BICD1: variants seen among roughly 807,000 people sequenced by gnomAD.
BICD1 encodes the protein BICD cargo adaptor 1, also known as protein bicaudal D homolog 1.
Under a neutral mutation model 92.5 loss-of-function variants are expected in BICD1, and 35 were observed. That is an observed-to-expected ratio of 0.38 (90% CI 0.29 to 0.50). The LOEUF is 0.50. Ranked by LOEUF, BICD1 falls within the 20% of genes least tolerant of loss-of-function variation. BICD1 has a pLI of 0.93. For missense variants in BICD1, 950 were observed against 1,189.8 expected, an observed-to-expected ratio of 0.80 and a Z score of 2.97; for synonymous variants, 429 against 465.1, an observed-to-expected ratio of 0.92 and a Z score of 1.00.
intron 5 of BICD1, chr12:32,333,146 A>G: frequency 1.0e-6 from 1 of 984,652 alleles, no homozygotes; most frequent in Non-Finnish European, 1.2e-6. Context: ...AATTTGTTAC[A>G]TCTACATTTC....
intron 1 of BICD1, among the ~76,000 whole-genome samples, chr12:32,172,452 G>C (rs955708232): frequency 6.6e-6 from 1 of 152,220 alleles, no homozygotes; most frequent in African/African-American, 2.4e-5. Context: ...GCCCTCCAGA[G>C]AAAAGGTAGT....
intron 1 of BICD1, among the ~76,000 whole-genome samples, chr12:32,133,214 G>A (rs895391859): frequency 3.9e-5 from 6 of 151,976 alleles, no homozygotes; most frequent in African/African-American, 9.7e-5. Flanking sequence ...CTGGCCAGGC[G>A]GGGTGGCTCA....
At chr12:32,286,863 A>C (rs1472891114) in intron 2 of BICD1, among the ~76,000 whole-genome samples, 2 of 152,218 alleles carry the variant, frequency 1.3e-5, no homozygotes, top group Non-Finnish European at 2.9e-5. Context: ...TGCAAAAGGA[A>C]ATGTAATAAA....
chr12:32,119,804 G>T (rs1942077625), intron 1 of BICD1, among the ~76,000 whole-genome samples: 1 of 152,222 alleles, frequency 6.6e-6, no homozygotes, highest in South Asian at 2.1e-4. Flanking sequence ...CCAGGAGGTG[G>T]AGGTTGCAGT....
At chr12:32,321,948 G>A (rs1252126771) in intron 4 of BICD1, among the ~76,000 whole-genome samples, 4 of 151,386 alleles carry the variant, frequency 2.6e-5, no homozygotes, top group East Asian at 1.9e-4. Context: ...GCAGTGAGCC[G>A]AGATCACACC....
At chr12:32,155,399 G>C (rs1144712) in intron 1 of BICD1, among the ~76,000 whole-genome samples, 151,952 of 152,364 alleles carry the variant, frequency 1, 75,774 homozygotes, top group Middle Eastern at 1. Flanking sequence ...GATTCAAATT[G>C]AACCTTTAAT....
At chr12:32,126,485 G>T (rs1328539226) in intron 1 of BICD1, among the ~76,000 whole-genome samples, 2 of 152,006 alleles carry the variant, frequency 1.3e-5, no homozygotes, top group Non-Finnish European at 2.9e-5. Flanking sequence ...GGCCGGGTAT[G>T]GTGGCTCACA....
At chr12:32,118,629 G>A (rs1942035977) in intron 1 of BICD1, among the ~76,000 whole-genome samples, 1 of 152,158 alleles carries the variant, frequency 6.6e-6, no homozygotes, top group Non-Finnish European at 1.5e-5. Context: ...ACTGGAGGAT[G>A]TGTGTAGGTT....
intron 1 of BICD1, among the ~76,000 whole-genome samples, chr12:32,192,480 A>AGAC: frequency 6.8e-6 from 1 of 147,974 alleles, no homozygotes; most frequent in East Asian, 1.9e-4. Flanking sequence ...ATAGATAGAC[A>AGAC]AATAAAGCAA....
chr12:32,108,552 G>A, intron 1 of BICD1: 5 of 611,158 alleles, frequency 8.2e-6, no homozygotes, highest in Admixed American at 2.5e-5. Context: ...TGTGTGTCAA[G>A]TCCTTATTTT....
intron 1 of BICD1, among the ~76,000 whole-genome samples, chr12:32,171,940 TACACACACACACACACACACACACAC>T (rs61038844): frequency 1.4e-5 from 2 of 140,992 alleles, no homozygotes; most frequent in South Asian, 2.4e-4. Context: ...TCTCAAAAAA[TACACACACACACACACACACACACAC>T]ACACACACAC....
intron 1 of BICD1, among the ~76,000 whole-genome samples, chr12:32,140,210 AG>A (rs1942868093): frequency 6.6e-6 from 1 of 152,222 alleles, no homozygotes; most frequent in Non-Finnish European, 1.5e-5. Context: ...GCTTCTTCCA[AG>A]AAGCACCACA....
intron 1 of BICD1, among the ~76,000 whole-genome samples, chr12:32,112,006 T>TC (rs1176931164): frequency 2.8e-5 from 4 of 144,146 alleles, no homozygotes; most frequent in Non-Finnish European, 6.1e-5. Context: ...TATCCCTTTT[T>TC]TTTTTTTTTT....
chr12:32,147,104 C>G lies in BICD1; in HGVS notation c.213+39560C>G, dbSNP rs1475664225. Among the ~76,000 whole-genome samples the G allele has an allele frequency of 3.3e-5, 5 of 152,066 alleles. No individual in the cohort carries two copies. The South Asian group carries it at 8.3e-4, about 25-fold the overall frequency. On this transcript the variant is annotated intron_variant, in intron 1 of 9. Transcript: ENST00000652176. ...CATAGGTGTGAGCCACCATGCCCAG[C>G]TAATGTTTTAATTTTTGTAGACATG...
intron 2 of BICD1, among the ~76,000 whole-genome samples, chr12:32,230,253 G>T (rs1945837565): frequency 6.6e-6 from 1 of 151,896 alleles, no homozygotes; most frequent in Non-Finnish European, 1.5e-5. Flanking sequence ...AGGAATTCAG[G>T]GCTGGATGCA....
intron 1 of BICD1, among the ~76,000 whole-genome samples, chr12:32,166,266 G>C (rs527979824): frequency 1.3e-5 from 2 of 152,104 alleles, no homozygotes; most frequent in Admixed American, 1.3e-4. Flanking sequence ...CTCCCAAGTA[G>C]CTGGGATTAC....
At chr12:32,196,543 T>C (rs1335057103) in intron 1 of BICD1, among the ~76,000 whole-genome samples, 3 of 152,108 alleles carry the variant, frequency 2.0e-5, no homozygotes, top group African/African-American at 7.2e-5. Context: ...AAGACAAATA[T>C]TGTTTTGTCT....
intron 2 of BICD1, among the ~76,000 whole-genome samples, chr12:32,246,426 C>G (rs909970052): frequency 2.0e-5 from 3 of 151,824 alleles, no homozygotes; most frequent in Admixed American, 6.6e-5. Context: ...TCGCTTGAGG[C>G]CAGTGATTAA....
chr12:32,328,104 A>G lies in BICD1; in HGVS notation c.1649A>G (p.Lys550Arg). ...QSRVTRSGSL[K>R]GPDDPRGLLS... ...AGAGTCACCCGCAGTGGCAGCCTGA[A>G]AGGGCCCGATGATCCCAGAGGACTT... The change falls in exon 5 of 10, where the codon AAA (lysine) becomes AGA (arginine). Residue 550 changes from lysine (K) to arginine (R), a missense_variant. By Grantham distance (26) the Lys-to-Arg change is conservative. Coordinates refer to ENST00000652176, the MANE Select transcript of BICD1 (RefSeq NM_001714.4). This position sits in a 1 kb window ranked among gnomAD's most constrained non-coding sequence, Gnocchi z 4.4. The G allele has an allele frequency of 6.2e-7, 1 of 1,614,168 alleles. No homozygotes were observed. Among genetic ancestry groups the G allele is most frequent in the African/African-American group, 1.3e-5 (1 of 75,056 alleles).
Sources: gnomAD v4.1 joint callset for allele counts (sites outside exome capture counted in the v4.1 genomes callset) on GRCh38, gnomAD v4.1.1 for gene constraint, Gnocchi (gnomAD v3.1) non-coding constraint, MANE v1.5 for transcripts, NCBI Gene and HGNC (gene_info 2026-07-23, HGNC 2026-07-21) for gene names.